Variants in EPHA5 observed in about 807,000 individuals in gnomAD.
EPHA5 encodes ephrin type-A receptor 5.
EPHA5 carries 60 observed loss-of-function variants against 105.0 expected under a neutral mutation model. That is an observed-to-expected ratio of 0.57 (90% CI 0.46 to 0.71). The LOEUF (loss-of-function observed/expected upper bound fraction) is 0.71, where lower values mean the gene tolerates loss of function less well. Ranked by LOEUF, EPHA5 falls within the 30% of genes least tolerant of loss-of-function variation. The pLI is 0.00. For missense variants in EPHA5, 1,218 were observed against 1,274.7 expected, an observed-to-expected ratio of 0.96 and a Z score of 0.68; for synonymous variants, 513 against 449.1, an observed-to-expected ratio of 1.14 and a Z score of -1.80.
At chr4:65,609,763 A>G (rs896917809) in intron 2 of EPHA5, among the ~76,000 whole-genome samples, 3 of 152,212 alleles carry the variant, frequency 2.0e-5, no homozygotes, top group East Asian at 1.9e-4. Flanking sequence ...TGGAAAAATC[A>G]AAAGTAGCAT....
In EPHA5 at chr4:65,370,778, T is replaced by G. The variant is rs143211981; in HGVS notation, c.1794-3354A>C. On this transcript the variant is annotated intron_variant, in intron 8 of 16. Coordinates refer to ENST00000613740, the MANE Select transcript of EPHA5 (RefSeq NM_001281766.3). ...GCAATTGAAAGGAGTTATTTTTGAC[T>G]ATGGGCATCTCTGGAGCTCCATAAC... 3.3e-5 allele frequency among the ~76,000 whole-genome samples: 5 copies of G among 152,252 alleles called. No individual in the cohort carries two copies. In the East Asian group the frequency reaches 9.7e-4, roughly 29 times the overall value.
intron 14 of EPHA5, among the ~76,000 whole-genome samples, chr4:65,345,819 C>T (rs1722163951): frequency 1.3e-5 from 2 of 151,840 alleles, no homozygotes. Flanking sequence ...GTCGCCCAGG[C>T]TGGTGTGCAG....
At chr4:65,408,412 A>G (rs1722579659) in intron 7 of EPHA5, among the ~76,000 whole-genome samples, 1 of 152,168 alleles carries the variant, frequency 6.6e-6, no homozygotes. Context: ...GGGAACACTT[A>G]AAAGAAAATA....
chr4:65,337,479 T>C (rs7695705), intron 14 of EPHA5, among the ~76,000 whole-genome samples: 44,758 of 151,970 alleles, frequency 0.29, 7,468 homozygotes, highest in South Asian at 0.44. Flanking sequence ...AAAGAAAGCA[T>C]TCTCCTTATG....
chr4:65,474,011 G>A (rs1361538784), intron 5 of EPHA5, among the ~76,000 whole-genome samples: 1 of 150,956 alleles, frequency 6.6e-6, no homozygotes, highest in Non-Finnish European at 1.5e-5. Context: ...CACACACCGG[G>A]GCCTGTTGTG....
intron 5 of EPHA5, among the ~76,000 whole-genome samples, chr4:65,428,062 C>T (rs1053049382): frequency 3.9e-5 from 6 of 151,964 alleles, no homozygotes; most frequent in African/African-American, 1.2e-4. Flanking sequence ...GAATCATGTA[C>T]GTCTTCTGTA....
At chr4:65,454,238 C>T (rs1453428971) in intron 5 of EPHA5, among the ~76,000 whole-genome samples, 1 of 152,014 alleles carries the variant, frequency 6.6e-6, no homozygotes, top group Non-Finnish European at 1.5e-5. Context: ...CGAGTTCGTG[C>T]CATTGCACTC....
rs141358287 is a variant in EPHA5 at position 65,506,602 on chromosome 4, G to A, written c.911-11059C>T. ...GATTTGCATTTCTCTGATGGCCAGTGATGATAAGCATTTTGTCATGTGTCT... is the reference window on the plus strand; with the variant it reads ...GATTTGCATTTCTCTGATGGCCAGTAATGATAAGCATTTTGTCATGTGTCT... On this transcript the variant is annotated intron_variant, in intron 3 of 16. Coordinates refer to ENST00000613740, the MANE Select transcript of EPHA5 (RefSeq NM_001281766.3). 8.7e-3 allele frequency among the ~76,000 whole-genome samples: 1,262 copies of A among 145,778 alleles called. 159 individuals carry two copies. The highest frequency in any genetic ancestry group is 0.03 in the African/African-American group (1,178 of 39,488).
chr4:65,528,334 A>C (rs962443952), intron 3 of EPHA5, among the ~76,000 whole-genome samples: 1 of 152,184 alleles, frequency 6.6e-6, no homozygotes, highest in Non-Finnish European at 1.5e-5. Context: ...CCTTAATTTA[A>C]GTAATATTTT....
chr4:65,633,034 C>T (rs1270629888), intron 2 of EPHA5, among the ~76,000 whole-genome samples: 3 of 151,908 alleles, frequency 2.0e-5, no homozygotes, highest in Non-Finnish European at 4.4e-5. Context: ...ACAACAATGG[C>T]TAGGCTCCAA....
chr4:65,662,978 G>A (rs901552925), intron 1 of EPHA5, among the ~76,000 whole-genome samples: 3 of 152,064 alleles, frequency 2.0e-5, no homozygotes, highest in Admixed American at 6.6e-5. Context: ...AGGAAAGAAG[G>A]CATGCCCTAG....
chr4:65,396,784 G>A (rs1584640), intron 8 of EPHA5, among the ~76,000 whole-genome samples: 105,448 of 151,950 alleles, frequency 0.69, 37,520 homozygotes, highest in Middle Eastern at 0.85. Context: ...AACTGATCCT[G>A]AAGGATAAGT....
In EPHA5 at chr4:65,365,026, C is replaced by A; in HGVS notation, c.2164G>T (p.Val722Leu). Reference protein sequence around the residue: ...HPNIIHLEGVVTKSKPVMIVT... With the variant: ...HPNIIHLEGVLTKSKPVMIVT... ...TTGCCATCATACTTACTTTTGGTCA[C>A]CACACCTTCTAAATGGATGATGTTA... Residue 722 changes from valine (V) to leucine (L), a missense_variant, in exon 11 of 17, where the codon GTG becomes TTG. Around this residue, in one of 3 missense-constraint regions of EPHA5, gnomAD observed 971 missense variants for 1,013.5 expected, o/e 0.96. Coordinates refer to ENST00000613740, the MANE Select transcript of EPHA5 (RefSeq NM_001281766.3). The A allele has an allele frequency of 6.2e-7, 1 of 1,610,462 alleles. No homozygotes were observed. The highest frequency in any genetic ancestry group is 1.1e-5 in the South Asian group (1 of 90,818).
intron 8 of EPHA5, among the ~76,000 whole-genome samples, chr4:65,383,082 T>C (rs1719723390): frequency 6.7e-6 from 1 of 149,456 alleles, no homozygotes; most frequent in South Asian, 2.1e-4. Context: ...AAATTTTATA[T>C]GTAAAAATCT....
chr4:65,643,172 A>T (rs1440875252), intron 2 of EPHA5, among the ~76,000 whole-genome samples, 191 bp downstream of exon 2: 3 of 152,038 alleles, frequency 2.0e-5, no homozygotes, highest in African/African-American at 7.2e-5. Flanking sequence ...CTCTTCAGTC[A>T]CTGAAAGCCC....
At chr4:65,422,717 A>G (rs1724052950) in intron 5 of EPHA5, among the ~76,000 whole-genome samples, 1 of 152,080 alleles carries the variant, frequency 6.6e-6, no homozygotes, top group Admixed American at 6.6e-5. Flanking sequence ...CTAGTATGAT[A>G]TGCAAAATGG....
chr4:65,490,170 T>A (rs13109211), intron 5 of EPHA5, among the ~76,000 whole-genome samples: 1 of 152,030 alleles, frequency 6.6e-6, no homozygotes, highest in South Asian at 2.1e-4. Context: ...TTTTGTTTTG[T>A]TTTCCTGTAA....
chr4:65,493,810 G>A (rs182067802), intron 4 of EPHA5, among the ~76,000 whole-genome samples: 9 of 151,592 alleles, frequency 5.9e-5, no homozygotes, highest in Non-Finnish European at 1.0e-4. Flanking sequence ...TTTGCAGAAA[G>A]GGAGGCTCAC....
intron 3 of EPHA5, among the ~76,000 whole-genome samples, chr4:65,537,251 T>C (rs1736376355): frequency 6.6e-6 from 1 of 151,856 alleles, no homozygotes; most frequent in East Asian, 1.9e-4. Flanking sequence ...ATTGGAACAT[T>C]ATTGTCTTAC....
Sources: allele counts gnomAD v4.1 joint callset (sites outside exome capture counted in the v4.1 genomes callset), GRCh38; gene constraint gnomAD v4.1.1; regional missense constraint gnomAD v4.1.1; transcripts MANE v1.5; gene names NCBI Gene and HGNC (gene_info 2026-07-23, HGNC 2026-07-21).